The following ARID4A variants were observed in gnomAD, a reference collection of about 807,000 sequenced individuals.
The protein encoded by ARID4A is AT-rich interactive domain-containing protein 4A.
ARID4A carries 39 observed loss-of-function variants against 148.6 expected under a neutral mutation model. That is an observed-to-expected ratio of 0.26 (90% CI 0.20 to 0.34). The LOEUF is 0.34. ARID4A is among the 10% of genes least tolerant of loss of function. The pLI, the probability that ARID4A is intolerant of heterozygous loss-of-function variation, is 1.00. For synonymous variants in ARID4A, 475 were observed against 481.2 expected, an observed-to-expected ratio of 0.99 and a Z score of 0.17; for missense variants, 1,265 against 1,449.1, an observed-to-expected ratio of 0.87 and a Z score of 2.06.
intron 11 of ARID4A, among the ~76,000 whole-genome samples, chr14:58,332,003 C>CG (rs1845714655): frequency 1.4e-5 from 2 of 147,202 alleles, no homozygotes; most frequent in South Asian, 2.2e-4. Context: ...CTACCCCCCC[C>CG]CCCCCAAAAA....
At chr14:58,307,693 G>A (rs768812076) in intron 5 of ARID4A, among the ~76,000 whole-genome samples, 3 of 152,172 alleles carry the variant, frequency 2.0e-5, no homozygotes, top group East Asian at 1.9e-4. Context: ...GGTGGTGGGC[G>A]TCTGTAATCC....
At chr14:58,366,473 T>C (rs2035364728) in intron 22 of ARID4A, among the ~76,000 whole-genome samples, 1 of 152,208 alleles carries the variant, frequency 6.6e-6, no homozygotes, top group South Asian at 2.1e-4. Flanking sequence ...GTATGATTTA[T>C]ATAAATCAGT....
intron 23 of ARID4A, among the ~76,000 whole-genome samples, chr14:58,370,967 T>C (rs1050633861): frequency 3.3e-5 from 5 of 152,124 alleles, no homozygotes; most frequent in Non-Finnish European, 1.5e-5. Flanking sequence ...AGTTATTAAA[T>C]TGAGATTTGA....
At chr14:58,305,578 A>G (rs956895362) in intron 4 of ARID4A, among the ~76,000 whole-genome samples, 1 of 152,156 alleles carries the variant, frequency 6.6e-6, no homozygotes, top group African/African-American at 2.4e-5. Flanking sequence ...CTTTATCTAA[A>G]AGGTACCTTA....
chr14:58,363,705 A>G (rs2035231182), intron 19 of ARID4A, among the ~76,000 whole-genome samples: 1 of 152,006 alleles, frequency 6.6e-6, no homozygotes, highest in African/African-American at 2.4e-5. Context: ...CAAAAAAAAA[A>G]GAAAAGAAAA....
chr14:58,324,860 C>A (rs2033126323), intron 8 of ARID4A, among the ~76,000 whole-genome samples: 1 of 151,974 alleles, frequency 6.6e-6, no homozygotes, highest in South Asian at 2.1e-4. Context: ...GTTCTAAGCT[C>A]CTTAGAAGAT....
In ARID4A at chr14:58,338,867, T is replaced by C. The variant is rs151096761; in HGVS notation, c.907-5828T>C. Among the ~76,000 whole-genome samples the C allele has an allele frequency of 3.6e-3, 544 of 151,656 alleles. 4 individuals carry two copies. The highest frequency in any genetic ancestry group is 0.011 in the African/African-American group (475 of 41,318). On this transcript the variant is annotated intron_variant, in intron 11 of 23. Transcript: ENST00000355431. ...ACATTATTGCACAAAAAAAAGTCCT[T>C]TGGTATTGAAAAAAATGAGTGGTAT... is the stretch of plus-strand genomic sequence containing the variant.
At chr14:58,314,818 G>C (rs992310096) in intron 5 of ARID4A, among the ~76,000 whole-genome samples, 1 of 152,004 alleles carries the variant, frequency 6.6e-6, no homozygotes, top group African/African-American at 2.4e-5. Context: ...GTATAATTTT[G>C]TGAATTAAAA....
rs375174078 is a variant in ARID4A, at chr14:58,307,505, C to T, written c.274+1393C>T. Among the ~76,000 whole-genome samples, 9 of 152,334 alleles carry T rather than the reference C, an allele frequency of 5.9e-5. No homozygotes were observed. In the East Asian group the frequency reaches 1.5e-3, roughly 26 times the overall value. On this transcript the variant is annotated intron_variant, in intron 5 of 23. Coordinates refer to ENST00000355431, the MANE Select transcript of ARID4A (RefSeq NM_002892.4). ...ATATTTTTAGGAAGCTTAGTTGTGGCTACTGATAGTTGTTAAATTTTAAAA... is the reference window on the plus strand; with the variant it reads ...ATATTTTTAGGAAGCTTAGTTGTGGTTACTGATAGTTGTTAAATTTTAAAA...
At chr14:58,305,523 A>G (rs1162261677) in intron 4 of ARID4A, among the ~76,000 whole-genome samples, 2 of 152,172 alleles carry the variant, frequency 1.3e-5, no homozygotes. Flanking sequence ...AGGTCTGGAA[A>G]CTGAAAGAAG....
chr14:58,317,971 T>TAA (rs74944621), intron 5 of ARID4A, among the ~76,000 whole-genome samples: 2 of 142,710 alleles, frequency 1.4e-5, no homozygotes, highest in Admixed American at 7.1e-5. Flanking sequence ...CTGTCTTTAT[T>TAA]AAAAAAAAAA....
intron 11 of ARID4A, among the ~76,000 whole-genome samples, chr14:58,330,873 CTGT>C (rs2033481068): frequency 6.6e-6 from 1 of 151,986 alleles, no homozygotes; most frequent in Non-Finnish European, 1.5e-5. Context: ...TATATGAATA[CTGT>C]TGTTTATTCT....
intron 17 of ARID4A, among the ~76,000 whole-genome samples, chr14:58,357,994 G>A (rs962658716): frequency 1.3e-5 from 2 of 151,960 alleles, no homozygotes; most frequent in Admixed American, 6.6e-5. Context: ...CTTGAGCTCC[G>A]GAATTCAAGA....
chr14:58,320,345 A>G (rs2032787516), intron 7 of ARID4A, among the ~76,000 whole-genome samples: 1 of 152,088 alleles, frequency 6.6e-6, no homozygotes, highest in South Asian at 2.1e-4. Flanking sequence ...ATATTTAGGA[A>G]CAAGGAGATG....
chr14:58,306,043 A>C lies in ARID4A; in HGVS notation c.205A>C (p.Arg69=). 6.2e-7 allele frequency: 1 copy of C among 1,613,748 alleles called. No individual in the cohort carries two copies. Among genetic ancestry groups the C allele is most frequent in the Non-Finnish European group, 8.5e-7 (1 of 1,179,754 alleles). The part of the protein sequence containing the change: ...PLRVGAIVET[R]TSDGSFQEAI... ...TTAGGTTGGAGCTATTGTTGAAACA[A>C]GGACATCTGATGGATCTTTTCAGGA... Residue 69 remains arginine (R), a synonymous_variant, in exon 5 of 24, where the codon AGG becomes CGG. Transcript: ENST00000355431.
At chr14:58,306,204 A>AAT (rs2031586254) in intron 5 of ARID4A, 92 bp downstream of exon 5, 2 of 908,884 alleles carry the variant, frequency 2.2e-6, no homozygotes, top group Admixed American at 2.0e-5. Context: ...TTGGTGGAGA[A>AAT]ATATATATTA....
At chr14:58,323,341 T>C in intron 7 of ARID4A, 144 bp from the exon 8 acceptor site, 2 of 925,592 alleles carry the variant, frequency 2.2e-6, no homozygotes, top group South Asian at 1.8e-5. Context: ...GAAGGACCCA[T>C]GTCTTCAGTT....
intron 7 of ARID4A, among the ~76,000 whole-genome samples, chr14:58,322,071 A>G (rs2032926134): frequency 6.6e-6 from 1 of 151,814 alleles, no homozygotes; most frequent in Non-Finnish European, 1.5e-5. Flanking sequence ...CCCAGGTTCA[A>G]GTGATTCTCG....
intron 5 of ARID4A, among the ~76,000 whole-genome samples, chr14:58,316,532 C>A (rs969785343): frequency 6.6e-6 from 1 of 152,026 alleles, no homozygotes; most frequent in African/African-American, 2.4e-5. Flanking sequence ...TGTAAAATTC[C>A]TTACCCCATT....
Sources: gnomAD v4.1 joint callset for allele counts (sites outside exome capture counted in the v4.1 genomes callset) on GRCh38, gnomAD v4.1.1 for gene constraint, MANE v1.5 for transcripts, NCBI Gene and HGNC (gene_info 2026-07-23, HGNC 2026-07-21) for gene names.